The following TTC19 variants were observed in gnomAD, a reference collection of about 807,000 sequenced individuals.
TTC19 encodes the protein tetratricopeptide repeat protein 19, mitochondrial.
In TTC19, 38 loss-of-function variants were observed where a neutral mutation model predicts 49.5. The ratio of observed to expected loss-of-function variants is 0.77; its 90% CI spans 0.59 to 1.01. TTC19 has a LOEUF of 1.01. TTC19 is among the 50% of genes least tolerant of loss of function. TTC19 has a pLI of 0.00. For synonymous variants in TTC19, 204 were observed against 185.2 expected (o/e 1.10, Z -0.83); for missense variants, 475 against 477.7 (o/e 0.99, Z 0.05).
At chr17:16,015,247 T>C (rs1486439722) in intron 7 of TTC19, among the ~76,000 whole-genome samples, 28 of 152,234 alleles carry the variant, frequency 1.8e-4, no homozygotes, top group Admixed American at 1.8e-3. Flanking sequence ...GAGTTAATTC[T>C]CCGGCAGCTT....
chr17:16,040,570 TATA>T, intron 2 of TTC19: 1 of 1,190,472 alleles, frequency 8.4e-7, no homozygotes, highest in Non-Finnish European at 1.2e-6. Context: ...AAAAAATTCC[TATA>T]ATAAAATTAA....
intron 7 of TTC19, among the ~76,000 whole-genome samples, chr17:16,016,627 G>A (rs1053525453): frequency 3.5e-5 from 5 of 143,744 alleles, no homozygotes; most frequent in Admixed American, 7.2e-5. Flanking sequence ...GCGTGATCTC[G>A]GCTCACTGCA....
intron 7 of TTC19, among the ~76,000 whole-genome samples, chr17:16,012,372 C>T (rs1439545354): frequency 3.3e-5 from 5 of 151,766 alleles, no homozygotes; most frequent in Admixed American, 2.0e-4. Context: ...CCCAGCTACT[C>T]GGGAGGCTGA....
chr17:16,000,173 CGACGGGGCCGCTGCCGAGGACGGGGCG>C lies in TTC19; in HGVS notation c.245_271del (p.Gly82_Asp90del), dbSNP rs1970675591. On this transcript the variant is annotated inframe_deletion, in exon 2 of 10. Coordinates refer to ENST00000261647, the MANE Select transcript of TTC19 (RefSeq NM_017775.4). ...CAGAGGAGGAGGAGCAGCAGGGAGC[CGACGGGGCCGCTGCCGAGGACGGGGCG>C]GACGAGGCCGAGGCAGAGATCATCC... 1 of 1,591,432 alleles carries C rather than the reference CGACGGGGCCGCTGCCGAGGACGGGGCG, an allele frequency of 6.3e-7. No homozygotes were observed. Among genetic ancestry groups the C allele is most frequent in the African/African-American group, 1.3e-5 (1 of 74,750 alleles).
chr17:16,034,007 T>G (rs1973291118), downstream of TTC19, among the ~76,000 whole-genome samples: 1 of 152,188 alleles, frequency 6.6e-6, no homozygotes, highest in Non-Finnish European at 1.5e-5. Context: ...GATGATGGCT[T>G]TTTAAACTAG....
chr17:16,019,314 C>CA (rs1395532208), intron 7 of TTC19, among the ~76,000 whole-genome samples: 3 of 152,178 alleles, frequency 2.0e-5, no homozygotes, highest in Non-Finnish European at 4.4e-5. Context: ...GCCTGGGTGA[C>CA]AGAGTGAAGA....
chr17:16,044,996 TAAGAAAA>T, exon 3 of TTC19: 1 of 404,210 alleles, frequency 2.5e-6, no homozygotes, highest in Non-Finnish European at 4.5e-6. Flanking sequence ...AAGCTGAACT[TAAGAAAA>T]AAAAAAAAAG....
rs1462140061 is a variant in TTC19 at position 16,027,882 on chromosome 17, G to C, written c.*360G>C. 1 of 464,374 alleles carries C rather than the reference G, an allele frequency of 2.2e-6. No homozygotes were observed. The highest frequency in any genetic ancestry group is 2.0e-5 in the African/African-American group (1 of 50,462). 28.8% of individuals were successfully genotyped at this position (464,374 alleles called of 1,614,324 possible). Reference sequence around the variant, plus strand: ...CCTGGCATTTCTACCATAAGTTTTTGGTCTGCTGATTTGCTGCCCTGTCTT... The same window carrying C: ...CCTGGCATTTCTACCATAAGTTTTTCGTCTGCTGATTTGCTGCCCTGTCTT... On this transcript the variant is annotated 3_prime_UTR_variant, in exon 10 of 10. Coordinates refer to ENST00000261647, the MANE Select transcript of TTC19 (RefSeq NM_017775.4).
intron 2 of TTC19, chr17:16,040,167 A>G (rs777943849): frequency 3.5e-6 from 2 of 563,404 alleles, no homozygotes; most frequent in Admixed American, 2.2e-5. Context: ...CACTTCTATT[A>G]AAGTTACTCA....
chr17:16,021,128 C>A (rs1157504566), intron 7 of TTC19, among the ~76,000 whole-genome samples: 1 of 152,142 alleles, frequency 6.6e-6, no homozygotes, highest in African/African-American at 2.4e-5. Flanking sequence ...TGGCTCACGC[C>A]TGTAATCCCA....
chr17:16,026,272 T>C lies in TTC19; in HGVS notation c.832-268T>C, dbSNP rs138160605. On this transcript the variant is annotated intron_variant, in intron 8 of 9. Transcript: ENST00000261647. ...TTGTTTTTCATTTGGTGCTTCTAAC[T>C]GGGTAATTAGTTGGATTAATAAGCA... Among the ~76,000 whole-genome samples the C allele has an allele frequency of 3.1e-3, 471 of 152,340 alleles. 2 individuals are homozygous for C. Among genetic ancestry groups the C allele is most frequent in the African/African-American group, 0.011 (448 of 41,574 alleles).
intron 7 of TTC19, among the ~76,000 whole-genome samples, chr17:16,021,047 C>T (rs1469781809): frequency 6.6e-6 from 1 of 152,052 alleles, no homozygotes; most frequent in Non-Finnish European, 1.5e-5. Flanking sequence ...TACTGAGTGC[C>T]CATTACACAC....
intron 7 of TTC19, chr17:16,024,469 T>TTTTG (rs1392903223): frequency 1.3e-5 from 2 of 151,670 alleles, no homozygotes; most frequent in Non-Finnish European, 2.9e-5. Flanking sequence ...CTAATTTTTT[T>TTTTG]TTTTTTTTTG....
intron 7 of TTC19, among the ~76,000 whole-genome samples, chr17:16,020,427 C>A (rs1464456996): frequency 6.6e-6 from 1 of 151,956 alleles, no homozygotes; most frequent in Non-Finnish European, 1.5e-5. Context: ...TTGTGGGTTA[C>A]GTATCTCTTT....
chr17:16,000,161 G>A lies in TTC19; in HGVS notation c.228G>A (p.Glu76=), dbSNP rs771424513. Residue 76 remains glutamate, a synonymous_variant, in exon 2 of 10, where the codon GAG becomes GAA. Transcript: ENST00000261647. ...GGCCCGCTGCGGCAGAGGAGGAGGAGCAGCAGGGAGCCGACGGGGCCGCTG... is the reference window on the plus strand; with the variant it reads ...GGCCCGCTGCGGCAGAGGAGGAGGAACAGCAGGGAGCCGACGGGGCCGCTG... The part of the protein sequence containing the change: ...FSRPAAAEEE[E]QQGADGAAAE... 6.3e-7 allele frequency: 1 copy of A among 1,589,006 alleles called. No homozygotes were observed. The highest frequency in any genetic ancestry group is 1.3e-5 in the African/African-American group (1 of 74,854).
intron 2 of TTC19, among the ~76,000 whole-genome samples, chr17:16,001,336 T>G (rs1285821203): frequency 6.6e-6 from 1 of 152,158 alleles, no homozygotes; most frequent in Non-Finnish European, 1.5e-5. Flanking sequence ...CCTTCACATC[T>G]ATTTCTTTGC....
At chr17:16,039,704 G>T in intron 2 of TTC19, 1 of 1,513,388 alleles carries the variant, frequency 6.6e-7, no homozygotes, top group South Asian at 1.2e-5. Context: ...GGCCAATCAG[G>T]AAACAAACAT....
intron 2 of TTC19, chr17:16,040,631 G>T: frequency 1.2e-6 from 1 of 813,112 alleles, no homozygotes; most frequent in Non-Finnish European, 2.0e-6. Flanking sequence ...CCCATTAAGT[G>T]AAGATAAAAT....
chr17:16,034,477 G>A (rs796120934), intron 2 of TTC19, among the ~76,000 whole-genome samples: 6 of 152,192 alleles, frequency 3.9e-5, no homozygotes, highest in African/African-American at 1.4e-4. Flanking sequence ...GCATGGTCGT[G>A]CACGCCTGTA....
Sources: allele counts gnomAD v4.1 joint callset (sites outside exome capture counted in the v4.1 genomes callset), GRCh38; gene constraint gnomAD v4.1.1; transcripts MANE v1.5; gene names NCBI Gene and HGNC (gene_info 2026-07-23, HGNC 2026-07-21).